The following BLK variants were observed in gnomAD, a reference collection of about 807,000 sequenced individuals.
BLK encodes tyrosine-protein kinase Blk.
Under a neutral mutation model 61.8 loss-of-function variants are expected in BLK, and 64 were observed. That is an observed-to-expected ratio of 1.03 (90% confidence interval 0.85 to 1.27). The LOEUF is 1.27. Ranked by LOEUF, BLK falls within the 50% of genes most tolerant of loss-of-function variation. The probability of loss-of-function intolerance (pLI) is 0.00; values close to 1 mark genes in which losing one functional copy is unlikely to be tolerated. For synonymous variants in BLK, 351 were observed against 272.0 expected, an observed-to-expected ratio of 1.29 and a Z score of -2.86; for missense variants, 853 against 660.5, an observed-to-expected ratio of 1.29 and a Z score of -3.19.
intron 1 of BLK, among the ~76,000 whole-genome samples, chr8:11,531,342 C>A (rs1799879340): frequency 6.6e-6 from 1 of 152,034 alleles, no homozygotes; most frequent in Non-Finnish European, 1.5e-5. Flanking sequence ...TTCTTGTATA[C>A]TTTATGATCT....
At chr8:11,497,110 C>A (rs1245928870) in intron 1 of BLK, among the ~76,000 whole-genome samples, 3 of 152,106 alleles carry the variant, frequency 2.0e-5, no homozygotes, top group Non-Finnish European at 4.4e-5. Flanking sequence ...AGAAAAGCTT[C>A]CAAAGCAGGT....
intron 8 of BLK, 141 bp downstream of exon 8, chr8:11,555,625 A>G: frequency 7.5e-7 from 1 of 1,336,644 alleles, no homozygotes; most frequent in South Asian, 1.3e-5. Context: ...GAGGACACTC[A>G]TTTTACAGAG....
rs769629665 is a variant in BLK at position 11,564,021 on chromosome 8, C to G, written c.1431C>G (p.Pro477=). The G allele has an allele frequency of 4.4e-6, 7 of 1,604,706 alleles. No individual in the cohort carries two copies. The South Asian group carries it at 5.5e-5, about 13-fold the overall frequency. The change falls in exon 13 of 13, where the codon CCC becomes CCG. Residue 477 remains proline, a synonymous_variant. Coordinates refer to ENST00000259089, the MANE Select transcript of BLK (RefSeq NM_001715.3). ...GVIAECWRSR[P]EERPTFEFLQ... ...TCGCCGAGTGCTGGCGCAGCCGGCC[C>G]GAGGAGCGGCCCACCTTCGAGTTCC...
At chr8:11,545,673 G>C (rs1457760745) in intron 2 of BLK, 2 of 310,504 alleles carry the variant, frequency 6.4e-6, no homozygotes, top group Admixed American at 4.0e-5. Flanking sequence ...TATGTTTGTC[G>C]AGTTTTGGGG....
intron 1 of BLK, among the ~76,000 whole-genome samples, chr8:11,511,667 T>C (rs1474271899): frequency 6.6e-6 from 1 of 152,172 alleles, no homozygotes; most frequent in Non-Finnish European, 1.5e-5. Context: ...TGTTGAAAAC[T>C]AGCAGTCTTT....
chr8:11,550,149 C>T lies in BLK; in HGVS notation c.369-10C>T, dbSNP rs750408108. ...CGCTCTGAGTTTCACCTGTTCCTGC[C>T]GTTTTCCAGGTGGTTCTTTAGATCA... is the stretch of plus-strand genomic sequence containing the variant. On this transcript the variant is annotated splice_polypyrimidine_tract_variant and intron_variant, in intron 5 of 12. Coordinates refer to ENST00000259089, the MANE Select transcript of BLK (RefSeq NM_001715.3). 17 of 1,613,168 alleles carry T rather than the reference C, an allele frequency of 1.1e-5. No individual in the cohort carries two copies. In the Admixed American group the frequency reaches 1.2e-4, roughly 11 times the overall value.
intron 1 of BLK, among the ~76,000 whole-genome samples, chr8:11,502,959 C>T (rs1047631285): frequency 1.3e-5 from 2 of 152,182 alleles, no homozygotes; most frequent in East Asian, 1.9e-4. Context: ...CTGTGGGGTT[C>T]GCAAGTCCCC....
rs186797817 is a variant in BLK, at chr8:11,560,010, A to G, written c.1030-1292A>G. 169 of 363,714 alleles carry G rather than the reference A, an allele frequency of 4.6e-4. 2 individuals carry two copies. Among genetic ancestry groups the G allele is most frequent in the African/African-American group, 2.4e-3 (113 of 46,880 alleles). The allele number at this position is 363,714 out of a possible 1,614,324, so 22.5% of individuals were successfully genotyped here. On this transcript the variant is annotated intron_variant, in intron 10 of 12. Coordinates refer to ENST00000259089, the MANE Select transcript of BLK (RefSeq NM_001715.3). Reference sequence around the variant, plus strand: ...TCAATAAATATTAGTTATCAGAACGAGTACTGTTAGATGCTGCCCAGATAT... The same window carrying G: ...TCAATAAATATTAGTTATCAGAACGGGTACTGTTAGATGCTGCCCAGATAT...
rs1397268070 is a variant in BLK at position 11,548,069 on chromosome 8, T to C, written c.213T>C (p.Ala71=). 1.9e-6 allele frequency: 3 copies of C among 1,614,084 alleles called. No homozygotes were observed. In the South Asian group the frequency reaches 3.3e-5, roughly 18 times the overall value. The change falls in exon 4 of 13, where the codon GCT becomes GCC. Residue 71 remains alanine (A), a synonymous_variant. Transcript: ENST00000259089. ...HFVVALYDYT[A]MNDRDLQMLK... ...TGGTGGCTCTGTATGACTACACCGCTATGAATGATCGGGACCTGCAGATGC... is the reference window on the plus strand; with the variant it reads ...TGGTGGCTCTGTATGACTACACCGCCATGAATGATCGGGACCTGCAGATGC...
At chr8:11,535,766 G>A (rs930949851) in intron 1 of BLK, among the ~76,000 whole-genome samples, 8 of 152,236 alleles carry the variant, frequency 5.3e-5, no homozygotes, top group Non-Finnish European at 1.2e-4. Flanking sequence ...ATGGAGCACA[G>A]ATCACCTCCT....
intron 1 of BLK, among the ~76,000 whole-genome samples, chr8:11,501,761 A>C (rs1433530605): frequency 6.6e-6 from 1 of 152,270 alleles, no homozygotes; most frequent in African/African-American, 2.4e-5. Context: ...GTGTTGGCAC[A>C]AACACTGAAA....
chr8:11,543,068 C>G (rs747301563), intron 1 of BLK, among the ~76,000 whole-genome samples, 156 bp from the exon 2 acceptor site: 1 of 152,170 alleles, frequency 6.6e-6, no homozygotes, highest in Non-Finnish European at 1.5e-5. Context: ...CTCACCCACC[C>G]GCTTCTACCC....
intron 6 of BLK, among the ~76,000 whole-genome samples, 171 bp downstream of exon 6, chr8:11,550,433 G>A (rs375806369): frequency 1.3e-5 from 2 of 152,256 alleles, no homozygotes; most frequent in African/African-American, 4.8e-5. Context: ...CATGGGGGCT[G>A]TCCACACAGT....
intron 1 of BLK, among the ~76,000 whole-genome samples, chr8:11,528,844 G>A (rs561945044): frequency 7.2e-5 from 11 of 152,248 alleles, no homozygotes; most frequent in East Asian, 1.9e-4. Context: ...GCAAACTAAC[G>A]CAGGAACATA....
At chr8:11,498,803 A>G (rs1048257776) in intron 1 of BLK, among the ~76,000 whole-genome samples, 3 of 152,238 alleles carry the variant, frequency 2.0e-5, no homozygotes, top group Non-Finnish European at 4.4e-5. Context: ...ACATCACAGG[A>G]TTAACAGAAT....
At chr8:11,524,905 T>A (rs1799592817) in intron 1 of BLK, among the ~76,000 whole-genome samples, 1 of 138,862 alleles carries the variant, frequency 7.2e-6, no homozygotes, top group Admixed American at 8.1e-5. Context: ...AATGATCCCA[T>A]TTTGCTTTTT....
intron 1 of BLK, among the ~76,000 whole-genome samples, chr8:11,516,247 G>A (rs1367225835): frequency 2.0e-5 from 3 of 152,338 alleles, no homozygotes; most frequent in South Asian, 4.1e-4. Context: ...GGGTGCGAGA[G>A]CCTGACGTCT....
chr8:11,519,878 A>G (rs577816981), intron 1 of BLK, among the ~76,000 whole-genome samples: 62 of 152,316 alleles, frequency 4.1e-4, no homozygotes, highest in Admixed American at 7.2e-4. Flanking sequence ...CGCCCCCACT[A>G]TCAGAAAGAC....
At chr8:11,519,158 T>G (rs978811798) in intron 1 of BLK, among the ~76,000 whole-genome samples, 131 of 152,136 alleles carry the variant, frequency 8.6e-4, no homozygotes, top group African/African-American at 3.0e-3. Flanking sequence ...CTCCAGCATG[T>G]TGCAAGATCT....
Sources: allele counts gnomAD v4.1 joint callset (sites outside exome capture counted in the v4.1 genomes callset), GRCh38; gene constraint gnomAD v4.1.1; transcripts MANE v1.5; gene names NCBI Gene and HGNC (gene_info 2026-07-23, HGNC 2026-07-21).